COL25A1: variants seen among roughly 807,000 people sequenced by gnomAD.
COL25A1 encodes the protein collagen alpha-1(XXV) chain.
Under a neutral mutation model 128.4 loss-of-function variants are expected in COL25A1, and 103 were observed. That is an observed-to-expected ratio of 0.80 (90% CI 0.68 to 0.94). The LOEUF (loss-of-function observed/expected upper bound fraction) is 0.94, where lower values mean the gene tolerates loss of function less well. COL25A1 is among the 40% of genes least tolerant of loss of function. COL25A1 has a pLI of 0.00. For missense variants in COL25A1, 745 were observed against 840.0 expected (o/e 0.89, Z 1.40); for synonymous variants, 279 against 277.2 (o/e 1.01, Z -0.06).
chr4:108,905,530 A>C (rs537503779), intron 13 of COL25A1, among the ~76,000 whole-genome samples: 30 of 150,486 alleles, frequency 2.0e-4, no homozygotes, highest in Non-Finnish European at 2.5e-4. Flanking sequence ...AAAAAATAAA[A>C]ATAAAAATAA....
intron 3 of COL25A1, among the ~76,000 whole-genome samples, chr4:109,179,621 TATTG>T (rs1774438325): frequency 6.6e-6 from 1 of 152,218 alleles, no homozygotes; most frequent in Admixed American, 6.5e-5. Context: ...ACACCTGTCT[TATTG>T]ATTACTTTCT....
At chr4:109,301,666 CAG>C (rs1725546162) in intron 2 of COL25A1, 55 bp downstream of exon 2, 13 of 1,560,578 alleles carry the variant, frequency 8.3e-6, no homozygotes, top group African/African-American at 4.0e-5. Context: ...GTCATGCACA[CAG>C]AGTCACGCTT....
chr4:108,899,285 T>A, intron 14 of COL25A1, 105 bp from the exon 15 acceptor site: 1 of 1,036,734 alleles, frequency 9.6e-7, no homozygotes, highest in Non-Finnish European at 1.4e-6. Context: ...AAATTATGCA[T>A]GACATTTTCT....
At chr4:109,067,540 A>C (rs1762554915) in intron 3 of COL25A1, among the ~76,000 whole-genome samples, 1 of 152,250 alleles carries the variant, frequency 6.6e-6, no homozygotes, top group Non-Finnish European at 1.5e-5. Context: ...ACAGGAACCT[A>C]AATTTTGTTT....
chr4:108,827,591 A>G (rs1732540805), intron 32 of COL25A1, among the ~76,000 whole-genome samples: 1 of 152,164 alleles, frequency 6.6e-6, no homozygotes, highest in Admixed American at 6.5e-5. Flanking sequence ...CAGTGGCATG[A>G]TCATGGCTCA....
At chr4:109,211,327 TA>T (rs1777540406) in intron 3 of COL25A1, among the ~76,000 whole-genome samples, 1 of 116,802 alleles carries the variant, frequency 8.6e-6, no homozygotes. Context: ...TATATATATA[TA>T]TGAAACAATT....
At chr4:108,891,133 G>A (rs1372856781) in intron 16 of COL25A1, among the ~76,000 whole-genome samples, 1 of 152,080 alleles carries the variant, frequency 6.6e-6, no homozygotes, top group Non-Finnish European at 1.5e-5. Context: ...TAAGGTGAAC[G>A]AATGAACAGA....
In COL25A1 at chr4:108,852,124, T is replaced by C. The variant is rs575026325; in HGVS notation, c.1389+112A>G. 73 of 814,932 alleles carry C rather than the reference T, an allele frequency of 9.0e-5. 1 individual carries two copies. The African/African-American group carries it at 1.2e-3, about 13-fold the overall frequency. 50.5% of individuals were successfully genotyped at this position (814,932 alleles called of 1,614,324 possible). ...TCTTCGCTCTCTAAAACAATACTGTTGATCTCAGCTTCTTCAGCATTTTGT... is the reference window on the plus strand; with the variant it reads ...TCTTCGCTCTCTAAAACAATACTGTCGATCTCAGCTTCTTCAGCATTTTGT... On this transcript the variant is annotated intron_variant, in intron 26 of 37. Coordinates refer to ENST00000399132, the MANE Select transcript of COL25A1 (RefSeq NM_198721.4).
At chr4:109,231,233 AC>A (rs1779148577) in intron 3 of COL25A1, among the ~76,000 whole-genome samples, 1 of 152,178 alleles carries the variant, frequency 6.6e-6, no homozygotes, top group Non-Finnish European at 1.5e-5. Flanking sequence ...AGTGAGAGTT[AC>A]AATATAATTG....
chr4:108,907,895 A>C (rs1743721695), intron 13 of COL25A1, among the ~76,000 whole-genome samples: 1 of 152,220 alleles, frequency 6.6e-6, no homozygotes, highest in African/African-American at 2.4e-5. Flanking sequence ...CTGAACTTCC[A>C]GTTCTGACAA....
At chr4:109,195,005 G>T (rs1463496848) in intron 3 of COL25A1, among the ~76,000 whole-genome samples, 2 of 152,058 alleles carry the variant, frequency 1.3e-5, no homozygotes, top group East Asian at 3.9e-4. Context: ...TGCTTGAGGG[G>T]ATAGATACTC....
At chr4:109,134,022 T>C (rs1022994792) in intron 3 of COL25A1, among the ~76,000 whole-genome samples, 1 of 151,928 alleles carries the variant, frequency 6.6e-6, no homozygotes, top group Non-Finnish European at 1.5e-5. Context: ...TGAAAGAAAT[T>C]AGTATTAAAT....
At chr4:108,918,059 CAT>C in intron 13 of COL25A1, 111 bp downstream of exon 13, 4 of 502,894 alleles carry the variant, frequency 8.0e-6, no homozygotes, top group Middle Eastern at 5.0e-4. Flanking sequence ...TATTTCAAAA[CAT>C]AGTGTTTTTA....
chr4:109,032,707 T>C (rs1251694785), intron 5 of COL25A1, among the ~76,000 whole-genome samples: 1 of 152,328 alleles, frequency 6.6e-6, no homozygotes, highest in East Asian at 1.9e-4. Context: ...ATGTTCTCCA[T>C]TGAGACAGGA....
chr4:109,300,943 A>T (rs1725457802), intron 2 of COL25A1, among the ~76,000 whole-genome samples: 1 of 152,232 alleles, frequency 6.6e-6, no homozygotes, highest in Admixed American at 6.5e-5. Context: ...GTAAAAACCT[A>T]GCACTAAAAT....
intron 8 of COL25A1, among the ~76,000 whole-genome samples, chr4:108,972,647 A>G (rs1560954276): frequency 6.6e-6 from 1 of 152,200 alleles, no homozygotes; most frequent in Non-Finnish European, 1.5e-5. Context: ...CCTTCAATAC[A>G]AAGCAAAATA....
At chr4:109,136,671 A>G (rs1166958730) in intron 3 of COL25A1, among the ~76,000 whole-genome samples, 1 of 152,256 alleles carries the variant, frequency 6.6e-6, no homozygotes, top group Admixed American at 6.5e-5. Context: ...GGCACCAACT[A>G]GAGAGATGGG....
intron 5 of COL25A1, among the ~76,000 whole-genome samples, chr4:109,030,236 G>A (rs895455227): frequency 6.6e-6 from 1 of 152,164 alleles, no homozygotes; most frequent in South Asian, 2.1e-4. Flanking sequence ...GCAACAGAAG[G>A]AAGCAGCTGC....
At chr4:109,242,756 T>C (rs774841524) in intron 3 of COL25A1, among the ~76,000 whole-genome samples, 24 of 152,138 alleles carry the variant, frequency 1.6e-4, no homozygotes, top group Middle Eastern at 3.2e-3. Context: ...GCATAATAAT[T>C]GTTCATTATG....
Sources: allele counts gnomAD v4.1 joint callset (sites outside exome capture counted in the v4.1 genomes callset), GRCh38; gene constraint gnomAD v4.1.1; transcripts MANE v1.5; gene names NCBI Gene and HGNC (gene_info 2026-07-23, HGNC 2026-07-21).